Variants in FRMD4B observed in about 807,000 individuals in gnomAD.
FRMD4B encodes FERM domain containing 4B.
FRMD4B carries 74 observed loss-of-function variants against 141.5 expected under a neutral mutation model. The ratio of observed to expected loss-of-function variants is 0.52; its 90% confidence interval spans 0.43 to 0.63. The LOEUF is 0.63. Ranked by LOEUF, FRMD4B falls within the 30% of genes least tolerant of loss-of-function variation. The pLI is 0.00. For missense variants in FRMD4B, 1,366 were observed against 1,253.4 expected (o/e 1.09, Z -1.36); for synonymous variants, 506 against 467.9 (o/e 1.08, Z -1.05).
At chr3:69,209,307 C>A (rs772328619) in intron 11 of FRMD4B, among the ~76,000 whole-genome samples, 3 of 152,104 alleles carry the variant, frequency 2.0e-5, no homozygotes, top group Non-Finnish European at 4.4e-5. Flanking sequence ...AATACCTAAC[C>A]AATTTTCTAA....
rs182286116 is a variant in FRMD4B, at chr3:69,245,716, T to G, written c.581+3510A>C. 6.5e-3 allele frequency among the ~76,000 whole-genome samples: 957 copies of G among 146,208 alleles called. 3 individuals carry two copies. The highest frequency in any genetic ancestry group is 9.6e-3 in the Non-Finnish European group (643 of 66,990). On this transcript the variant is annotated intron_variant, in intron 7 of 22. Coordinates refer to ENST00000398540, the MANE Select transcript of FRMD4B (RefSeq NM_015123.3). ...TCCCACTCTGTCATCCAGGATGGAGTGCAGTGGCACCACCTTGGCTCACTG... is the reference window on the plus strand; with the variant it reads ...TCCCACTCTGTCATCCAGGATGGAGGGCAGTGGCACCACCTTGGCTCACTG...
intron 1 of FRMD4B, among the ~76,000 whole-genome samples, chr3:69,373,446 A>G (rs1167825421): frequency 6.6e-6 from 1 of 152,260 alleles, no homozygotes. Flanking sequence ...AAATTAATTA[A>G]CAACTGTGAA....
chr3:69,191,901 T>A lies in FRMD4B; in HGVS notation c.1714+1747A>T, dbSNP rs1402705971. 2.6e-5 allele frequency among the ~76,000 whole-genome samples: 4 copies of A among 152,214 alleles called. No homozygotes were observed. The East Asian group carries it at 7.7e-4, about 29-fold the overall frequency. On this transcript the variant is annotated intron_variant, in intron 17 of 22. Transcript: ENST00000398540. ...TCCAGCTGTAGTGGACTAACACTTG[T>A]GTGTTGATGCTGTACATTCCCTTTC...
chr3:69,520,854 G>T (rs770084690), intron 1 of FRMD4B, among the ~76,000 whole-genome samples: 28 of 152,214 alleles, frequency 1.8e-4, no homozygotes, highest in Non-Finnish European at 3.1e-4. Flanking sequence ...AAGGATTAAG[G>T]TCATCAGAAT....
At chr3:69,210,646 G>C (rs754390532) in intron 11 of FRMD4B, among the ~76,000 whole-genome samples, 9 of 152,004 alleles carry the variant, frequency 5.9e-5, no homozygotes, top group Non-Finnish European at 1.3e-4. Context: ...TTTAATTTGC[G>C]TCACACCTTC....
chr3:69,371,489 G>A (rs1158158483), intron 1 of FRMD4B, among the ~76,000 whole-genome samples: 2 of 152,104 alleles, frequency 1.3e-5, no homozygotes, highest in Admixed American at 6.5e-5. Context: ...AAAATGACAC[G>A]ATCTGACTTA....
rs183260439 is a variant in FRMD4B, at chr3:69,527,330, A to C, written c.-129+14876T>G. On this transcript the variant is annotated intron_variant, in intron 1 of 5. Transcript: ENST00000459638. ...GTTCCCCTTTGAAGAGAACACCCAGAGCCCTTCCGGGGTGGAGCGCAAACC... is the reference window on the plus strand; with the variant it reads ...GTTCCCCTTTGAAGAGAACACCCAGCGCCCTTCCGGGGTGGAGCGCAAACC... Among the ~76,000 whole-genome samples, 4 of 152,258 alleles carry C rather than the reference A, an allele frequency of 2.6e-5. No individual in the cohort carries two copies. The East Asian group carries it at 7.7e-4, about 29-fold the overall frequency.
At chr3:69,302,518 A>G (rs1701251062) in intron 3 of FRMD4B, 83 bp from the exon 4 acceptor site, 4 of 821,688 alleles carry the variant, frequency 4.9e-6, no homozygotes, top group Non-Finnish European at 8.3e-6. Context: ...AGCTGTGGCG[A>G]AATAGTTGCT....
At chr3:69,367,782 C>T (rs1050245931) in intron 1 of FRMD4B, among the ~76,000 whole-genome samples, 7 of 152,166 alleles carry the variant, frequency 4.6e-5, no homozygotes, top group Admixed American at 1.3e-4. Flanking sequence ...CTTGCACGTG[C>T]GCCATTACAT....
rs548114189 is a variant in FRMD4B at position 69,216,120 on chromosome 3, C to T, written c.876+143G>A. 87 of 537,962 alleles carry T rather than the reference C, an allele frequency of 1.6e-4. No individual in the cohort carries two copies. The Admixed American group carries it at 2.5e-3, about 16-fold the overall frequency. 33.3% of individuals were successfully genotyped at this position (537,962 alleles called of 1,614,324 possible). A position where few individuals can be genotyped will look rare whatever the true frequency, so the allele number is the denominator to read the frequency against. On this transcript the variant is annotated intron_variant, in intron 11 of 22. Coordinates refer to ENST00000398540, the MANE Select transcript of FRMD4B (RefSeq NM_015123.3). Reference sequence around the variant, plus strand: ...AGTGAGCCACTATCAGCCCACTGCACTCCAGCTTGGGCGACAAAGTGAGAC... The same window carrying T: ...AGTGAGCCACTATCAGCCCACTGCATTCCAGCTTGGGCGACAAAGTGAGAC...
intron 2 of FRMD4B, among the ~76,000 whole-genome samples, chr3:69,422,221 G>A (rs897672638): frequency 2.0e-5 from 3 of 151,838 alleles, no homozygotes; most frequent in Non-Finnish European, 2.9e-5. Flanking sequence ...GTGAAACCCC[G>A]TCTCCACTAA....
chr3:69,358,433 C>T (rs1703385122), intron 1 of FRMD4B, among the ~76,000 whole-genome samples: 1 of 152,140 alleles, frequency 6.6e-6, no homozygotes, highest in Non-Finnish European at 1.5e-5. Context: ...GCCATTTTCA[C>T]AGTATTAAGA....
At chr3:69,185,632 A>C (rs2092758302) in intron 19 of FRMD4B, among the ~76,000 whole-genome samples, 1 of 152,186 alleles carries the variant, frequency 6.6e-6, no homozygotes, top group Non-Finnish European at 1.5e-5. Context: ...CCTGGCCCTC[A>C]GTGTGCTTAT....
At chr3:69,185,236 G>A (rs2092752582) in intron 19 of FRMD4B, among the ~76,000 whole-genome samples, 1 of 150,402 alleles carries the variant, frequency 6.6e-6, no homozygotes, top group Admixed American at 6.7e-5. Context: ...GGGAGGCGGA[G>A]CTTGCAGTAA....
At chr3:69,333,922 A>T (rs946185130) in intron 1 of FRMD4B, 1 of 152,116 alleles carries the variant, frequency 6.6e-6, no homozygotes, top group Non-Finnish European at 1.5e-5. Flanking sequence ...TTTTTCTTTT[A>T]TTTACAGATC....
At chr3:69,211,023 GAAA>G (rs541259572) in intron 11 of FRMD4B, among the ~76,000 whole-genome samples, 1 of 85,838 alleles carries the variant, frequency 1.2e-5, no homozygotes, top group Admixed American at 1.7e-4. Flanking sequence ...ATGCCATCTC[GAAA>G]AAAAAAAAAA....
At chr3:69,229,829 C>T (rs186129184) in intron 7 of FRMD4B, among the ~76,000 whole-genome samples, 9 of 152,192 alleles carry the variant, frequency 5.9e-5, no homozygotes, top group South Asian at 4.1e-4. Context: ...CCTCAGCCTC[C>T]GGAGTAGCTG....
intron 7 of FRMD4B, among the ~76,000 whole-genome samples, chr3:69,227,275 T>C (rs1425914493): frequency 6.6e-6 from 1 of 152,188 alleles, no homozygotes; most frequent in Non-Finnish European, 1.5e-5. Context: ...AGACCTTTTT[T>C]TGAGTACTGA....
rs139242106 is a variant in FRMD4B at position 69,283,321 on chromosome 3, T to A, written c.501+4431A>T. On this transcript the variant is annotated intron_variant, in intron 5 of 22. Coordinates refer to ENST00000398540, the MANE Select transcript of FRMD4B (RefSeq NM_015123.3). Reference sequence around the variant, plus strand: ...ATCGCTTGAGCCCAGGAGGCAGGGGTTGCAGTGAGCTGAGATTGCACCATT... The same window carrying A: ...ATCGCTTGAGCCCAGGAGGCAGGGGATGCAGTGAGCTGAGATTGCACCATT... 2.0e-4 allele frequency among the ~76,000 whole-genome samples: 29 copies of A among 146,526 alleles called. No homozygotes were observed. The East Asian group carries it at 3.4e-3, about 17-fold the overall frequency.
Sources: allele counts gnomAD v4.1 joint callset (sites outside exome capture counted in the v4.1 genomes callset), GRCh38; gene constraint gnomAD v4.1.1; transcripts MANE v1.5; gene names NCBI Gene and HGNC (gene_info 2026-07-23, HGNC 2026-07-21).